The following PTH2R variants were observed in gnomAD, a reference collection of about 807,000 sequenced individuals.
PTH2R encodes parathyroid hormone 2 receptor.
A neutral mutation model predicts 60.3 loss-of-function variants in PTH2R; 59 were observed. The observed-to-expected ratio is 0.98, with a 90% CI of 0.79 to 1.22. The LOEUF is 1.22. Ranked by LOEUF, PTH2R falls within the 50% of genes most tolerant of loss-of-function variation. The probability of loss-of-function intolerance (pLI) is 0.00; values close to 1 mark genes in which losing one functional copy is unlikely to be tolerated. For missense variants in PTH2R, 749 were observed against 682.6 expected, an observed-to-expected ratio of 1.10 and a Z score of -1.08; for synonymous variants, 256 against 243.8, an observed-to-expected ratio of 1.05 and a Z score of -0.47.
At chr2:208,388,264 T>C (rs1476383026) in intron 1 of PTH2R, among the ~76,000 whole-genome samples, 1 of 151,664 alleles carries the variant, frequency 6.6e-6, no homozygotes, top group Admixed American at 6.6e-5. Flanking sequence ...TTGCAGTGAG[T>C]TGAGATCGCG....
chr2:208,383,050 G>A (rs532743692), intron 1 of PTH2R, among the ~76,000 whole-genome samples: 3 of 152,166 alleles, frequency 2.0e-5, no homozygotes, highest in Non-Finnish European at 4.4e-5. Context: ...TGTCTTAGTC[G>A]GCAGATCTAG....
chr2:208,481,176 A>G lies in PTH2R; in HGVS notation c.1076+12A>G. ...AGGAAGCAATACAGGTAATTTCAGGAGAGGCATCCATCAGAGGAAATATTT... is the reference window on the plus strand; with the variant it reads ...AGGAAGCAATACAGGTAATTTCAGGGGAGGCATCCATCAGAGGAAATATTT... On this transcript the variant is annotated intron_variant, in intron 10 of 12. Transcript: ENST00000272847. 3.2e-6 allele frequency: 5 copies of G among 1,540,758 alleles called. No individual in the cohort carries two copies. Among genetic ancestry groups the G allele is most frequent in the Non-Finnish European group, 4.5e-6 (5 of 1,121,466 alleles).
At chr2:208,396,167 G>A (rs1008924007) in intron 1 of PTH2R, among the ~76,000 whole-genome samples, 2 of 152,102 alleles carry the variant, frequency 1.3e-5, no homozygotes, top group Non-Finnish European at 2.9e-5. Context: ...AATTCAAGAT[G>A]GATTGAAGAC....
chr2:208,428,365 C>A, intron 2 of PTH2R, 62 bp downstream of exon 2: 1 of 1,166,472 alleles, frequency 8.6e-7, no homozygotes, highest in Non-Finnish European at 1.3e-6. Flanking sequence ...AAAGATTGCA[C>A]ATTTCCCTCC....
At chr2:208,413,283 G>A (rs1455309176) in intron 1 of PTH2R, among the ~76,000 whole-genome samples, 3 of 152,130 alleles carry the variant, frequency 2.0e-5, no homozygotes, top group Non-Finnish European at 2.9e-5. Context: ...TTTCATCTTG[G>A]AGTGTTATTA....
intron 11 of PTH2R, among the ~76,000 whole-genome samples, chr2:208,489,795 A>T (rs1296600261): frequency 6.6e-6 from 1 of 152,090 alleles, no homozygotes; most frequent in Non-Finnish European, 1.5e-5. Flanking sequence ...TCTGCCTCTC[A>T]CCCTGTATCA....
At chr2:208,411,002 T>C (rs1294143770) in intron 1 of PTH2R, among the ~76,000 whole-genome samples, 1 of 152,200 alleles carries the variant, frequency 6.6e-6, no homozygotes, top group Non-Finnish European at 1.5e-5. Flanking sequence ...TCCCAGCACT[T>C]TGGGAGGCCA....
At chr2:208,452,480 C>T (rs1029848016) in intron 8 of PTH2R, among the ~76,000 whole-genome samples, 1 of 151,972 alleles carries the variant, frequency 6.6e-6, no homozygotes, top group Non-Finnish European at 1.5e-5. Context: ...TCCATTAATC[C>T]TAGCTTATAA....
At chr2:208,392,490 G>T (rs1449188941) in intron 1 of PTH2R, among the ~76,000 whole-genome samples, 1 of 152,104 alleles carries the variant, frequency 6.6e-6, no homozygotes, top group Non-Finnish European at 1.5e-5. Flanking sequence ...CACACTTCTG[G>T]ATTAATGTTA....
intron 7 of PTH2R, among the ~76,000 whole-genome samples, chr2:208,447,574 C>T (rs1462365932): frequency 2.2e-5 from 3 of 139,080 alleles, no homozygotes; most frequent in Non-Finnish European, 3.0e-5. Context: ...GGTGACAGAG[C>T]GAGACTCCAT....
rs114065547 is a variant in PTH2R, at chr2:208,487,687, G to C, written c.1077-1325G>C. 6.7e-3 allele frequency among the ~76,000 whole-genome samples: 1,019 copies of C among 152,266 alleles called. 15 individuals carry two copies. The highest frequency in any genetic ancestry group is 0.023 in the African/African-American group (946 of 41,556). On this transcript the variant is annotated intron_variant, in intron 10 of 12. Coordinates refer to ENST00000272847, the MANE Select transcript of PTH2R (RefSeq NM_005048.4). ...CCCCTGCTTCAGGATCTCTTACCAGGCTGCAATTGATTTGTCAGCTGGGGC... is the reference window on the plus strand; with the variant it reads ...CCCCTGCTTCAGGATCTCTTACCAGCCTGCAATTGATTTGTCAGCTGGGGC...
At chr2:208,424,087 C>G (rs1335856247) in intron 1 of PTH2R, among the ~76,000 whole-genome samples, 1 of 152,152 alleles carries the variant, frequency 6.6e-6, no homozygotes, top group Admixed American at 6.5e-5. Flanking sequence ...TAGGCTGACT[C>G]TCCACTAGGT....
chr2:208,402,711 C>T (rs2105825776), upstream of PTH2R, among the ~76,000 whole-genome samples: 1 of 152,264 alleles, frequency 6.6e-6, no homozygotes, highest in African/African-American at 2.4e-5. Context: ...ACATAAATTG[C>T]TCATAGATAT....
chr2:208,409,233 A>T (rs1172525024), intron 1 of PTH2R, among the ~76,000 whole-genome samples: 2 of 152,200 alleles, frequency 1.3e-5, no homozygotes, highest in Non-Finnish European at 2.9e-5. Flanking sequence ...ACATTGACAA[A>T]CTGATACATT....
At chr2:208,484,099 T>C (rs186013656) in intron 10 of PTH2R, among the ~76,000 whole-genome samples, 1 of 152,366 alleles carries the variant, frequency 6.6e-6, no homozygotes, top group African/African-American at 2.4e-5. Flanking sequence ...TGTTCAAATA[T>C]TCTTGCTAAA....
At position 208,468,133 on chromosome 2, in the gene PTH2R, C is replaced by T. The variant is rs542751498; in HGVS notation, c.981+8172C>T. On this transcript the variant is annotated intron_variant, in intron 9 of 12. Coordinates refer to ENST00000272847, the MANE Select transcript of PTH2R (RefSeq NM_005048.4). The stretch of plus-strand genomic sequence containing the variant: ...ACATTATTAGGGACCATGAAGCCTA[C>T]ATACCTCATATTACTTTAGAACCTG... 4.6e-5 allele frequency among the ~76,000 whole-genome samples: 7 copies of T among 152,324 alleles called. 1 individual carries two copies. The East Asian group carries it at 1.4e-3, about 29-fold the overall frequency.
chr2:208,431,622 A>C (rs183588248), intron 2 of PTH2R, among the ~76,000 whole-genome samples: 1 of 152,326 alleles, frequency 6.6e-6, no homozygotes, highest in Admixed American at 6.5e-5. Context: ...TCCAACTCCA[A>C]ATGTAGCCAA....
upstream of PTH2R, among the ~76,000 whole-genome samples, chr2:208,406,131 G>T (rs1701400751): frequency 6.6e-6 from 1 of 152,154 alleles, no homozygotes; most frequent in South Asian, 2.1e-4. Flanking sequence ...CTAGCACATG[G>T]CAGAGCCAGA....
At chr2:208,433,224 GAA>G (rs999917738) in intron 2 of PTH2R, among the ~76,000 whole-genome samples, 1 of 152,108 alleles carries the variant, frequency 6.6e-6, no homozygotes, top group Non-Finnish European at 1.5e-5. Flanking sequence ...TACTGAAAGA[GAA>G]AAAACACTTC....
Sources: allele counts gnomAD v4.1 joint callset (sites outside exome capture counted in the v4.1 genomes callset), GRCh38; gene constraint gnomAD v4.1.1; transcripts MANE v1.5; gene names NCBI Gene and HGNC (gene_info 2026-07-23, HGNC 2026-07-21).